The following KDM5B variants were observed in gnomAD, a reference collection of about 807,000 sequenced individuals.
KDM5B encodes lysine demethylase 5B.
Under a neutral mutation model 193.4 loss-of-function variants are expected in KDM5B, and 144 were observed. The observed-to-expected ratio is 0.74, with a 90% CI of 0.65 to 0.86. KDM5B has a LOEUF of 0.86. Among genes scored for constraint, KDM5B ranks in the 40% least tolerant of loss-of-function variants. The pLI, the probability that KDM5B is intolerant of heterozygous loss-of-function variation, is 0.00. For missense variants in KDM5B, 1,833 were observed against 1,886.9 expected, an observed-to-expected ratio of 0.97 and a Z score of 0.53; for synonymous variants, 668 against 682.6, an observed-to-expected ratio of 0.98 and a Z score of 0.33.
At chr1:202,743,358 A>C (rs1204479464) in intron 16 of KDM5B, among the ~76,000 whole-genome samples, 4 of 127,192 alleles carry the variant, frequency 3.1e-5, no homozygotes, top group South Asian at 2.5e-4. Flanking sequence ...AAAAAAAAAA[A>C]AAAAAACACC....
At chr1:202,767,295 A>C in intron 4 of KDM5B, 5 of 1,609,372 alleles carry the variant, frequency 3.1e-6, no homozygotes, top group Non-Finnish European at 4.2e-6. Context: ...CAAAGTACAA[A>C]CACATCTTAG....
rs1331499798 is a variant in KDM5B at position 202,726,431 on chromosome 1, A to G, written c.*2605T>C. 3 of 152,204 alleles carry G rather than the reference A, an allele frequency of 2.0e-5. No homozygotes were observed. Among genetic ancestry groups the G allele is most frequent in the Non-Finnish European group, 4.4e-5 (3 of 68,044 alleles). 9.4% of individuals were successfully genotyped at this position (152,204 alleles called of 1,614,324 possible). ...TCAAGCCCTTTATTCTATATAAGAAATCCCCCAAAGTCTAATCTGGAAGGA... is the reference window on the plus strand; with the variant it reads ...TCAAGCCCTTTATTCTATATAAGAAGTCCCCCAAAGTCTAATCTGGAAGGA... On this transcript the variant is annotated 3_prime_UTR_variant, in exon 27 of 27. Coordinates refer to ENST00000367265, the MANE Select transcript of KDM5B (RefSeq NM_006618.5).
chr1:202,738,799 G>C (rs1185512968), intron 20 of KDM5B, among the ~76,000 whole-genome samples: 1 of 152,096 alleles, frequency 6.6e-6, no homozygotes, highest in Non-Finnish European at 1.5e-5. Flanking sequence ...TCAGCCAGTC[G>C]TCTGAAAACT....
At chr1:202,755,753 G>C (rs1169213784) in intron 10 of KDM5B, among the ~76,000 whole-genome samples, 1 of 152,116 alleles carries the variant, frequency 6.6e-6, no homozygotes, top group Non-Finnish European at 1.5e-5. Context: ...AGTGTTAGAA[G>C]TCAGGATAGT....
At chr1:202,803,419 G>T (rs974287278) in intron 1 of KDM5B, among the ~76,000 whole-genome samples, 1 of 152,126 alleles carries the variant, frequency 6.6e-6, no homozygotes, top group African/African-American at 2.4e-5. Flanking sequence ...ATTACAACTG[G>T]GTAGATATGT....
chr1:202,785,374 AT>A (rs775436160), intron 1 of KDM5B, among the ~76,000 whole-genome samples: 2 of 151,958 alleles, frequency 1.3e-5, no homozygotes, highest in African/African-American at 4.8e-5. Context: ...TCTGATGGTC[AT>A]TTTTTTTAAA....
At position 202,728,909 on chromosome 1, in the gene KDM5B, G is replaced by T; in HGVS notation, c.*127C>A. The T allele has an allele frequency of 9.4e-7, 1 of 1,066,440 alleles. No homozygotes were observed. Among genetic ancestry groups the T allele is most frequent in the East Asian group, 2.4e-5 (1 of 41,686 alleles). The allele number at this position is 1,066,440 out of a possible 1,614,324, so 66.1% of individuals were successfully genotyped here. Reference sequence around the variant, plus strand: ...AGTCCTGGAAAAATGATCCCATAAGGAATAGAAATAGCACCGTTTACAGGC... The same window carrying T: ...AGTCCTGGAAAAATGATCCCATAAGTAATAGAAATAGCACCGTTTACAGGC... On this transcript the variant is annotated 3_prime_UTR_variant, in exon 27 of 27. Transcript: ENST00000367265.
chr1:202,798,493 C>G (rs72752716), intron 1 of KDM5B, among the ~76,000 whole-genome samples: 7,780 of 151,648 alleles, frequency 0.051, 304 homozygotes, highest in Middle Eastern at 0.11. Flanking sequence ...TGCGGTTTGC[C>G]TTTTCAAGTT....
intron 9 of KDM5B, 63 bp from the exon 10 acceptor site, chr1:202,756,579 C>G (rs1030613794): frequency 3.9e-6 from 5 of 1,279,608 alleles, no homozygotes; most frequent in Admixed American, 2.5e-5. Context: ...CAATTAAGCT[C>G]AGTGATGGGA....
At chr1:202,788,416 G>A (rs193195456) in intron 1 of KDM5B, among the ~76,000 whole-genome samples, 29 of 152,326 alleles carry the variant, frequency 1.9e-4, no homozygotes, top group African/African-American at 7.0e-4. Flanking sequence ...GGAATGCAAA[G>A]CACTGTTTCT....
In KDM5B at chr1:202,808,332, G is replaced by T; in HGVS notation, c.-27C>A. 1 of 1,547,486 alleles carries T rather than the reference G, an allele frequency of 6.5e-7. No homozygotes were observed. On this transcript the variant is annotated 5_prime_UTR_variant, in exon 1 of 27. Coordinates refer to ENST00000367265, the MANE Select transcript of KDM5B (RefSeq NM_006618.5). ...ACCGCAGGCTGGGCAAGGGCGAGGC[G>T]AAGGTGGGCTCCGGGACCGAGGCTG...
chr1:202,741,872 C>A, intron 18 of KDM5B, 150 bp from the exon 19 acceptor site: 1 of 598,726 alleles, frequency 1.7e-6, no homozygotes, highest in South Asian at 2.1e-5. Context: ...AGCCAACTAA[C>A]AGCAAATACT....
At chr1:202,731,102 A>C in intron 24 of KDM5B, 39 bp from the exon 25 acceptor site, 1 of 1,529,300 alleles carries the variant, frequency 6.5e-7, no homozygotes, top group Non-Finnish European at 8.9e-7. Flanking sequence ...ATAACAACAA[A>C]GGGTGTTTCA....
In KDM5B at chr1:202,726,472, C is replaced by G. The variant is rs1654677551; in HGVS notation, c.*2564G>C. On this transcript the variant is annotated 3_prime_UTR_variant, in exon 27 of 27. Coordinates refer to ENST00000367265, the MANE Select transcript of KDM5B (RefSeq NM_006618.5). ...TCTGGAAGGAAAAACAAAAAACAAACAGTATTCATTTAGGTGAGGTGGAAG... is the reference window on the plus strand; with the variant it reads ...TCTGGAAGGAAAAACAAAAAACAAAGAGTATTCATTTAGGTGAGGTGGAAG... 1 of 152,106 alleles carries G rather than the reference C, an allele frequency of 6.6e-6. No homozygotes were observed. Among genetic ancestry groups the G allele is most frequent in the South Asian group, 2.1e-4 (1 of 4,824 alleles). 9.4% of individuals were successfully genotyped at this position (152,106 alleles called of 1,614,324 possible). A position where few individuals can be genotyped will look rare whatever the true frequency, so the allele number is the denominator to read the frequency against.
chr1:202,802,403 TTG>T (rs761895507), intron 1 of KDM5B, among the ~76,000 whole-genome samples: 5 of 152,172 alleles, frequency 3.3e-5, no homozygotes, highest in East Asian at 1.9e-4. Flanking sequence ...GTTGTTGTTG[TTG>T]TGTTTGTTTT....
intron 1 of KDM5B, among the ~76,000 whole-genome samples, chr1:202,788,775 T>C (rs1217953303): frequency 6.6e-6 from 1 of 152,222 alleles, no homozygotes; most frequent in Non-Finnish European, 1.5e-5. Context: ...CAAGTATATA[T>C]AATTTCACAG....
intron 8 of KDM5B, chr1:202,758,972 G>A (rs1266237894): frequency 6.5e-6 from 1 of 153,444 alleles, no homozygotes; most frequent in African/African-American, 2.4e-5. Context: ...GTTAACAGGG[G>A]CAGTATAAGC....
At chr1:202,771,455 G>A (rs1362962185) in intron 4 of KDM5B, among the ~76,000 whole-genome samples, 1 of 151,078 alleles carries the variant, frequency 6.6e-6, no homozygotes, top group Non-Finnish European at 1.5e-5. Context: ...TGGCCAGCCA[G>A]ATCTCGAACT....
chr1:202,738,682 A>G (rs1473571846), intron 20 of KDM5B, among the ~76,000 whole-genome samples: 2 of 152,158 alleles, frequency 1.3e-5, no homozygotes, highest in Non-Finnish European at 2.9e-5. Flanking sequence ...AACAAAATAG[A>G]ACTTGAGACT....
Sources: gnomAD v4.1 joint callset for allele counts (sites outside exome capture counted in the v4.1 genomes callset) on GRCh38, gnomAD v4.1.1 for gene constraint, MANE v1.5 for transcripts, NCBI Gene and HGNC (gene_info 2026-07-23, HGNC 2026-07-21) for gene names.